The following CYLC1 variants were observed in gnomAD, a reference collection of about 807,000 sequenced individuals.
The protein encoded by CYLC1 is cylicin-1.
Under a neutral mutation model 31.6 loss-of-function variants are expected in CYLC1, and 2 were observed. The ratio of observed to expected loss-of-function variants is 0.06; its 90% CI spans 0.03 to 0.20. CYLC1 has a LOEUF of 0.20. CYLC1 is among the 10% of genes least tolerant of loss of function. CYLC1 has a pLI of 1.00. For missense variants in CYLC1, 595 were observed against 424.1 expected (o/e 1.40, Z -3.54); for synonymous variants, 185 against 153.0 (o/e 1.21, Z -1.54).
At chrX:83,878,476 A>AATATAGATAAAT (rs2031859236) in intron 4 of CYLC1, among the ~76,000 whole-genome samples, 4 of 45,935 alleles carry the variant, frequency 8.7e-5, no homozygotes, top group African/African-American at 2.7e-4. Context: ...TATATATATA[A>AATATAGATAAAT]ATATATATAA....
intron 4 of CYLC1, among the ~76,000 whole-genome samples, chrX:83,880,768 C>G (rs1387656214): frequency 9.0e-6 from 1 of 111,285 alleles, no homozygotes; most frequent in Non-Finnish European, 1.9e-5. Context: ...ATCAACATCC[C>G]TCAAATAACA....
intron 4 of CYLC1, among the ~76,000 whole-genome samples, chrX:83,876,117 C>T (rs1417569486): frequency 9.0e-6 from 1 of 110,542 alleles, no homozygotes; most frequent in Admixed American, 9.8e-5. Flanking sequence ...TACATATGTA[C>T]ATCAATTTAC....
chrX:83,869,343 T>A (rs746440249), intron 1 of CYLC1, among the ~76,000 whole-genome samples: 25 of 110,485 alleles, frequency 2.3e-4, no homozygotes, highest in Admixed American at 2.9e-4. Context: ...CATTAGTTAT[T>A]TTTTATGATC....
intron 1 of CYLC1, among the ~76,000 whole-genome samples, chrX:83,869,118 G>C (rs749550537): frequency 9.2e-6 from 1 of 109,006 alleles, no homozygotes; most frequent in Non-Finnish European, 1.9e-5. Flanking sequence ...TTTATTTCTG[G>C]GTATTTGCTA....
chrX:83,866,783 T>G (rs1000242058), intron 1 of CYLC1, among the ~76,000 whole-genome samples: 1 of 111,451 alleles, frequency 9.0e-6, no homozygotes, highest in African/African-American at 3.3e-5. Context: ...CAGCATTCTC[T>G]CTGGAGAACA....
chrX:83,876,130 C>A (rs2147782339), intron 4 of CYLC1, among the ~76,000 whole-genome samples: 1 of 110,423 alleles, frequency 9.1e-6, no homozygotes, highest in East Asian at 2.9e-4. Context: ...CAATTTACTT[C>A]TCATATATTA....
rs2031686804 is a variant in CYLC1 at position 83,872,739 on chromosome X, A to ACACACACACG, written c.178-138_178-137insGCACACACAC. 14 of 421,149 alleles carry ACACACACACG rather than the reference A, an allele frequency of 3.3e-5. No homozygotes were observed. The East Asian group carries it at 5.9e-4, about 18-fold the overall frequency. The allele number at this position is 421,149 out of a possible 1,213,427, so 34.7% of individuals were successfully genotyped here. A position where few individuals can be genotyped will look rare whatever the true frequency, so the allele number is the denominator to read the frequency against. On this transcript the variant is annotated intron_variant, in intron 3 of 4. Coordinates refer to ENST00000329312, the MANE Select transcript of CYLC1 (RefSeq NM_021118.3). ...CTCTTACACACACACACACACACAC[A>ACACACACACG]CACACACACACACACAGACACAACC...
At chrX:83,869,486 G>T (rs1234554926) in intron 1 of CYLC1, among the ~76,000 whole-genome samples, 1 of 110,327 alleles carries the variant, frequency 9.1e-6, no homozygotes, top group Admixed American at 9.8e-5. Flanking sequence ...TTCTGTTCCT[G>T]CTCTAGTATG....
At chrX:83,881,929 T>C (rs778476917) in intron 4 of CYLC1, among the ~76,000 whole-genome samples, 10 of 109,987 alleles carry the variant, frequency 9.1e-5, no homozygotes, top group African/African-American at 3.3e-4. Context: ...ATCTCCTGAC[T>C]TCGTGATCTG....
Position 83,869,916 on chromosome X carries a change from A to G in CYLC1, c.58+11A>G, listed in dbSNP as rs1263977426. 1.4e-5 allele frequency: 11 copies of G among 793,239 alleles called. No homozygotes were observed. The Admixed American group carries it at 1.9e-4, about 14-fold the overall frequency. The allele number at this position is 793,239 out of a possible 1,213,427, so 65.4% of individuals were successfully genotyped here. A position where few individuals can be genotyped will look rare whatever the true frequency, so the allele number is the denominator to read the frequency against. On this transcript the variant is annotated intron_variant, in intron 2 of 4. Coordinates refer to ENST00000329312, the MANE Select transcript of CYLC1 (RefSeq NM_021118.3). Reference sequence around the variant, plus strand: ...ATAATTCCATTCCAAGTAAGAATTTAGTTAATGAAGTTTAATATTTCTTAG... The same window carrying G: ...ATAATTCCATTCCAAGTAAGAATTTGGTTAATGAAGTTTAATATTTCTTAG...
chrX:83,878,394 TATATATAA>T (rs1569335983), intron 4 of CYLC1, among the ~76,000 whole-genome samples: 25 of 45,810 alleles, frequency 5.5e-4, no homozygotes, highest in Non-Finnish European at 7.3e-4. Context: ...TATATATAAA[TATATATAA>T]ATATATATAA....
intron 4 of CYLC1, among the ~76,000 whole-genome samples, chrX:83,878,370 AAT>A (rs1180685854): frequency 0.01 from 93 of 8,982 alleles, 3 homozygotes; most frequent in Non-Finnish European, 0.013. Context: ...AATATATATA[AAT>A]ATATATATAA....
At chrX:83,875,376 A>G (rs568342937) in intron 4 of CYLC1, among the ~76,000 whole-genome samples, 2 of 111,254 alleles carry the variant, frequency 1.8e-5, no homozygotes, top group African/African-American at 6.5e-5. Flanking sequence ...GGAGTTCTGG[A>G]TTAGTTCTCA....
intron 4 of CYLC1, among the ~76,000 whole-genome samples, chrX:83,886,226 TTGC>T (rs1297531549): frequency 9.0e-6 from 1 of 111,281 alleles, no homozygotes. Flanking sequence ...TGGTGTAACA[TTGC>T]TGGGCCTTGG....
intron 3 of CYLC1, 77 bp downstream of exon 3, chrX:83,871,647 T>C: frequency 2.1e-6 from 2 of 941,824 alleles, no homozygotes; most frequent in Non-Finnish European, 2.9e-6. Context: ...AAGGCCTATA[T>C]AACTTGAATT....
chrX:83,873,812 G>A lies in CYLC1; in HGVS notation c.1104G>A (p.Glu368=). The change falls in exon 4 of 5, where the codon GAG becomes GAA. Residue 368 remains glutamate, a synonymous_variant. Coordinates refer to ENST00000329312, the MANE Select transcript of CYLC1 (RefSeq NM_021118.3). ...AAAAGGACACAAAGAAGTACCCAGA[G>A]TCTACTGATACTGAATCAGGAGATG... ...DKKKDTKKYP[E]STDTESGDAK... 1 of 1,190,161 alleles carries A rather than the reference G, an allele frequency of 8.4e-7. No homozygotes were observed. Among genetic ancestry groups the A allele is most frequent in the Non-Finnish European group, 1.1e-6 (1 of 880,546 alleles).
intron 4 of CYLC1, among the ~76,000 whole-genome samples, chrX:83,877,528 A>G (rs2031785677): frequency 9.0e-6 from 1 of 110,650 alleles, no homozygotes; most frequent in Admixed American, 9.8e-5. Flanking sequence ...CCAAACTGGC[A>G]TTCTTTTTGT....
chrX:83,874,657 AG>A (rs2031734440), intron 4 of CYLC1, 26 bp downstream of exon 4: 1 of 1,137,920 alleles, frequency 8.8e-7, no homozygotes, highest in South Asian at 2.2e-5. Flanking sequence ...TTTTATATTT[AG>A]GCTGAAATGG....
At position 83,874,045 on chromosome X, in the gene CYLC1, C is replaced by T. The variant is rs771246719; in HGVS notation, c.1337C>T (p.Ala446Val). The stretch of plus-strand genomic sequence containing the variant: ...AAGAATGATGAAGAGTCTACTGATG[C>T]TGACTCTGAACCGAAGGGAGATTCA... ...SVKNDEESTD[A>V]DSEPKGDSKK... Residue 446 changes from alanine to valine, a missense_variant, in exon 4 of 5, where the codon GCT becomes GTT. Ala to Val is a moderately conservative substitution (Grantham distance 64, BLOSUM62 0). Coordinates refer to ENST00000329312, the MANE Select transcript of CYLC1 (RefSeq NM_021118.3). 1.7e-6 allele frequency: 2 copies of T among 1,201,636 alleles called. No individual in the cohort carries two copies. The highest frequency in any genetic ancestry group is 2.2e-6 in the Non-Finnish European group (2 of 889,319).
Sources: allele counts gnomAD v4.1 joint callset (sites outside exome capture counted in the v4.1 genomes callset), GRCh38; gene constraint gnomAD v4.1.1; transcripts MANE v1.5; gene names NCBI Gene and HGNC (gene_info 2026-07-23, HGNC 2026-07-21).